The following OPCML variants were observed in gnomAD, a reference collection of about 807,000 sequenced individuals.
The protein encoded by OPCML is opioid binding protein/cell adhesion molecule like.
Under a neutral mutation model 37.8 loss-of-function variants are expected in OPCML, and 13 were observed. The observed-to-expected ratio is 0.34, with a 90% CI of 0.22 to 0.55. OPCML has a LOEUF of 0.55. OPCML is among the 20% of genes least tolerant of loss of function. The pLI is 0.91. For synonymous variants in OPCML, 176 were observed against 168.8 expected, an observed-to-expected ratio of 1.04 and a Z score of -0.33; for missense variants, 341 against 435.6, an observed-to-expected ratio of 0.78 and a Z score of 1.93.
intron 1 of OPCML, among the ~76,000 whole-genome samples, chr11:133,399,502 T>C (rs1455796449): frequency 6.6e-6 from 1 of 152,166 alleles, no homozygotes; most frequent in Non-Finnish European, 1.5e-5. Flanking sequence ...TGCCTTTTCC[T>C]GCCACCCTCT....
chr11:133,438,808 T>C (rs952127667), intron 1 of OPCML, among the ~76,000 whole-genome samples: 1 of 152,088 alleles, frequency 6.6e-6, no homozygotes, highest in Non-Finnish European at 1.5e-5. Flanking sequence ...TCCCCAACGG[T>C]CAACGATTTA....
At chr11:132,924,125 C>CTGTGTG (rs1384675928) in intron 2 of OPCML, among the ~76,000 whole-genome samples, 1 of 78,564 alleles carries the variant, frequency 1.3e-5, no homozygotes, top group African/African-American at 6.2e-5. Context: ...GGAAAAAAAA[C>CTGTGTG]TATGTGTGTG....
chr11:132,736,829 G>A (rs1945275285), intron 2 of OPCML, among the ~76,000 whole-genome samples: 1 of 152,108 alleles, frequency 6.6e-6, no homozygotes, highest in Non-Finnish European at 1.5e-5. Flanking sequence ...ACTCAGAGCT[G>A]GGACCACCCG....
At chr11:132,829,463 A>G (rs1440463467) in intron 2 of OPCML, among the ~76,000 whole-genome samples, 1 of 152,214 alleles carries the variant, frequency 6.6e-6, no homozygotes, top group Non-Finnish European at 1.5e-5. Flanking sequence ...AAGGACCAGT[A>G]CAAAGCACAA....
At chr11:133,140,312 G>A (rs927036673) in intron 1 of OPCML, among the ~76,000 whole-genome samples, 2 of 150,036 alleles carry the variant, frequency 1.3e-5, no homozygotes, top group African/African-American at 4.9e-5. Context: ...AGGAGTTCAA[G>A]ACCAGCCTAG....
chr11:132,523,351 A>G (rs1171922267), intron 4 of OPCML, among the ~76,000 whole-genome samples: 1 of 152,230 alleles, frequency 6.6e-6, no homozygotes, highest in Admixed American at 6.5e-5. Context: ...TCATATATCT[A>G]GAACAAAGCC....
intron 2 of OPCML, among the ~76,000 whole-genome samples, chr11:132,747,494 A>G (rs1027295476): frequency 6.6e-6 from 1 of 152,208 alleles, no homozygotes; most frequent in Non-Finnish European, 1.5e-5. Flanking sequence ...GGATCCCAAC[A>G]CAGAGAAATT....
At chr11:132,830,824 G>A (rs551399525) in intron 2 of OPCML, among the ~76,000 whole-genome samples, 25 of 152,288 alleles carry the variant, frequency 1.6e-4, no homozygotes, top group Non-Finnish European at 2.8e-4. Flanking sequence ...GTGAAAAGGG[G>A]AAATATGTTT....
intron 1 of OPCML, among the ~76,000 whole-genome samples, chr11:133,062,008 G>A (rs755501350): frequency 6.6e-6 from 1 of 152,140 alleles, no homozygotes; most frequent in Non-Finnish European, 1.5e-5. Context: ...CACCAACTTT[G>A]GTTTTAGAAT....
At position 133,060,060 on chromosome 11, in the gene OPCML, T is replaced by C. The variant is rs373834490; in HGVS notation, c.62-117050A>G. Among the ~76,000 whole-genome samples the C allele has an allele frequency of 1.1e-4, 17 of 152,322 alleles. No individual in the cohort carries two copies. The East Asian group carries it at 1.3e-3, about 12-fold the overall frequency. On this transcript the variant is annotated intron_variant, in intron 1 of 7. Coordinates refer to ENST00000524381, the MANE Select transcript of OPCML (RefSeq NM_001012393.5). Reference sequence around the variant, plus strand: ...GATTTGCCACAAACTTTCCATCAGATATTTTAAGGCCGTTCCTTTCTCTGG... The same window carrying C: ...GATTTGCCACAAACTTTCCATCAGACATTTTAAGGCCGTTCCTTTCTCTGG...
At chr11:132,697,112 T>C (rs1262708927) in intron 2 of OPCML, among the ~76,000 whole-genome samples, 1 of 152,204 alleles carries the variant, frequency 6.6e-6, no homozygotes, top group African/African-American at 2.4e-5. Context: ...AAAACTATTT[T>C]AAAATGAAAA....
At chr11:132,845,342 C>T (rs542173828) in intron 2 of OPCML, among the ~76,000 whole-genome samples, 2 of 152,288 alleles carry the variant, frequency 1.3e-5, no homozygotes, top group African/African-American at 4.8e-5. Context: ...TGGCAAACGC[C>T]TTTGAACAAC....
At chr11:133,355,150 T>C (rs1944254064) in intron 1 of OPCML, among the ~76,000 whole-genome samples, 1 of 152,238 alleles carries the variant, frequency 6.6e-6, no homozygotes, top group Non-Finnish European at 1.5e-5. Flanking sequence ...AGAGGAGAGT[T>C]CTACAAATTT....
At chr11:133,360,184 G>A (rs1312264324) in intron 1 of OPCML, 1 of 152,190 alleles carries the variant, frequency 6.6e-6, no homozygotes, top group African/African-American at 2.4e-5. Flanking sequence ...ATCCAGGAAG[G>A]GAAATGTATT....
At chr11:132,523,767 A>G (rs957433629) in intron 4 of OPCML, among the ~76,000 whole-genome samples, 14 of 152,372 alleles carry the variant, frequency 9.2e-5, no homozygotes, top group Middle Eastern at 6.8e-3. Context: ...TTCACTAGAC[A>G]CAAATACACA....
intron 1 of OPCML, among the ~76,000 whole-genome samples, chr11:133,029,179 A>G (rs1384837670): frequency 6.6e-6 from 1 of 152,028 alleles, no homozygotes; most frequent in East Asian, 1.9e-4. Context: ...ATCTCACACC[A>G]GTCAGAATGG....
chr11:133,214,274 T>C (rs1385345176), intron 1 of OPCML, among the ~76,000 whole-genome samples: 1 of 152,186 alleles, frequency 6.6e-6, no homozygotes, highest in Non-Finnish European at 1.5e-5. Flanking sequence ...TCGATATCTA[T>C]CTAACGTCAT....
chr11:133,002,964 GA>G (rs59449672), intron 1 of OPCML, among the ~76,000 whole-genome samples: 2 of 152,056 alleles, frequency 1.3e-5, no homozygotes, highest in Admixed American at 6.5e-5. Flanking sequence ...TCAGTGGGGG[GA>G]AAAATGCAAG....
chr11:132,759,212 T>C (rs1462515499), intron 2 of OPCML, among the ~76,000 whole-genome samples: 1 of 152,210 alleles, frequency 6.6e-6, no homozygotes, highest in Non-Finnish European at 1.5e-5. Flanking sequence ...CAGTATTTTA[T>C]TGAGGATTTT....
Sources: gnomAD v4.1 joint callset for allele counts (sites outside exome capture counted in the v4.1 genomes callset) on GRCh38, gnomAD v4.1.1 for gene constraint, MANE v1.5 for transcripts, NCBI Gene and HGNC (gene_info 2026-07-23, HGNC 2026-07-21) for gene names.